The following KCNT2 variants were observed in gnomAD, a reference collection of about 807,000 sequenced individuals.
The protein encoded by KCNT2 is potassium channel subfamily T member 2.
KCNT2 carries 67 observed loss-of-function variants against 153.8 expected under a neutral mutation model. That is an observed-to-expected ratio of 0.44 (90% CI 0.36 to 0.53). KCNT2 has a LOEUF of 0.53. Ranked by LOEUF, KCNT2 falls within the 20% of genes least tolerant of loss-of-function variation. The probability of loss-of-function intolerance (pLI) is 0.00; values close to 1 mark genes in which losing one functional copy is unlikely to be tolerated. For missense variants in KCNT2, 975 were observed against 1,354.8 expected, an observed-to-expected ratio of 0.72 and a Z score of 4.40; for synonymous variants, 500 against 458.8, an observed-to-expected ratio of 1.09 and a Z score of -1.15.
chr1:196,336,294 G>T (rs1665026120), intron 16 of KCNT2, among the ~76,000 whole-genome samples: 1 of 151,804 alleles, frequency 6.6e-6, no homozygotes, highest in Admixed American at 6.6e-5. Flanking sequence ...ATTATTACTT[G>T]CTGCACATCA....
chr1:196,570,084 A>AAAAAAAAAAAAAAAAAAAAAT (rs1558089921), intron 1 of KCNT2, among the ~76,000 whole-genome samples: 1 of 13,064 alleles, frequency 7.7e-5, no homozygotes, highest in African/African-American at 8.0e-5. Context: ...AAAAAAAAAA[A>AAAAAAAAAAAAAAAAAAAAAT]AAAAAAAAAA....
intron 13 of KCNT2, among the ~76,000 whole-genome samples, chr1:196,397,313 A>T (rs908621664): frequency 6.6e-6 from 1 of 151,576 alleles, no homozygotes; most frequent in African/African-American, 2.4e-5. Context: ...AAGATAGCCT[A>T]GTTACAAAGG....
Position 196,402,498 on chromosome 1 carries a change from C to G in KCNT2, c.1186-3827G>C, listed in dbSNP as rs146371786. ...AAGCAGTAAGAATGTGTATTGTAAT[C>G]CCTACAGCACTCACAAAAAAAATTC... is the stretch of plus-strand genomic sequence containing the variant. On this transcript the variant is annotated intron_variant, in intron 12 of 27. Coordinates refer to ENST00000294725, the MANE Select transcript of KCNT2 (RefSeq NM_198503.5). Among the ~76,000 whole-genome samples the G allele has an allele frequency of 5.4e-4, 81 of 151,240 alleles. 2 individuals are homozygous for G. The East Asian group carries it at 0.015, about 28-fold the overall frequency.
chr1:196,541,457 G>A (rs546633976), intron 1 of KCNT2, among the ~76,000 whole-genome samples: 1 of 151,664 alleles, frequency 6.6e-6, no homozygotes, highest in East Asian at 1.9e-4. Flanking sequence ...AATGTTTTAT[G>A]GCATGTTAAA....
At chr1:196,509,049 A>T (rs1163239895) in intron 1 of KCNT2, among the ~76,000 whole-genome samples, 1 of 152,134 alleles carries the variant, frequency 6.6e-6, no homozygotes, top group African/African-American at 2.4e-5. Context: ...CGGGCAGATC[A>T]CCTGAGGTCA....
intron 22 of KCNT2, among the ~76,000 whole-genome samples, chr1:196,293,044 C>T (rs1660346309): frequency 6.6e-6 from 1 of 151,436 alleles, no homozygotes; most frequent in African/African-American, 2.4e-5. Flanking sequence ...AAAAAAAATA[C>T]TTAAGAATAA....
chr1:196,492,383 C>T (rs4607811), intron 1 of KCNT2, 42 bp from the exon 2 acceptor site: 1,202,494 of 1,206,724 alleles, frequency 1, 599,260 homozygotes, highest in East Asian at 1. Context: ...ATGCAAGCAA[C>T]CATATCTTTA....
chr1:196,546,318 A>G (rs1160050057), intron 1 of KCNT2, among the ~76,000 whole-genome samples: 1 of 152,102 alleles, frequency 6.6e-6, no homozygotes, highest in African/African-American at 2.4e-5. Context: ...TGTCACGCAT[A>G]CATTTGGTGT....
At chr1:196,476,706 C>T (rs548907958) in intron 5 of KCNT2, among the ~76,000 whole-genome samples, 1 of 152,140 alleles carries the variant, frequency 6.6e-6, no homozygotes, top group Non-Finnish European at 1.5e-5. Context: ...TTCCAGCTTA[C>T]TTACTTCTTA....
intron 22 of KCNT2, among the ~76,000 whole-genome samples, chr1:196,288,561 A>G (rs1451356297): frequency 6.6e-6 from 1 of 152,124 alleles, no homozygotes; most frequent in Non-Finnish European, 1.5e-5. Flanking sequence ...GATAAACTAT[A>G]GTGTTAATGC....
intron 22 of KCNT2, among the ~76,000 whole-genome samples, chr1:196,301,125 A>G (rs1318715981): frequency 6.6e-6 from 1 of 152,208 alleles, no homozygotes; most frequent in Non-Finnish European, 1.5e-5. Flanking sequence ...ACACCTGAAC[A>G]GACTTTTGTC....
intron 8 of KCNT2, among the ~76,000 whole-genome samples, chr1:196,451,698 C>A (rs1330999554): frequency 6.6e-6 from 1 of 151,762 alleles, no homozygotes; most frequent in Non-Finnish European, 1.5e-5. Context: ...AAGACACTCT[C>A]TTTTCTTCAA....
chr1:196,297,212 C>CTGTAT (rs1660753806), intron 22 of KCNT2, among the ~76,000 whole-genome samples: 2 of 151,844 alleles, frequency 1.3e-5, no homozygotes, highest in East Asian at 3.9e-4. Context: ...TAGTTAACTA[C>CTGTAT]TGTATTATAA....
At chr1:196,462,796 GA>G (rs1677266026) in intron 8 of KCNT2, among the ~76,000 whole-genome samples, 1 of 151,644 alleles carries the variant, frequency 6.6e-6, no homozygotes, top group Non-Finnish European at 1.5e-5. Flanking sequence ...TGTACATGTG[GA>G]CTTTTATCAC....
intron 5 of KCNT2, among the ~76,000 whole-genome samples, chr1:196,471,099 G>A (rs1468436134): frequency 6.6e-6 from 1 of 151,386 alleles, no homozygotes; most frequent in Non-Finnish European, 1.5e-5. Context: ...ACTAAAGACG[G>A]GGTTTCACCG....
At chr1:196,322,466 CA>C (rs1451318954) in intron 19 of KCNT2, among the ~76,000 whole-genome samples, 1 of 151,584 alleles carries the variant, frequency 6.6e-6, no homozygotes, top group East Asian at 1.9e-4. Context: ...TCAACAAACA[CA>C]AAAAGTAACT....
chr1:196,253,181 G>C (rs1465697639), intron 26 of KCNT2, among the ~76,000 whole-genome samples: 1 of 151,226 alleles, frequency 6.6e-6, no homozygotes, highest in African/African-American at 2.4e-5. Context: ...CCAGTTACAT[G>C]CATGTTACAT....
chr1:196,587,880 A>G (rs935477911), intron 1 of KCNT2, among the ~76,000 whole-genome samples: 10 of 152,182 alleles, frequency 6.6e-5, no homozygotes, highest in Admixed American at 5.2e-4. Flanking sequence ...TCCTGCTTAT[A>G]TACTGACATG....
chr1:196,325,490 G>A (rs912799362), intron 19 of KCNT2, among the ~76,000 whole-genome samples: 1 of 152,110 alleles, frequency 6.6e-6, no homozygotes, highest in Non-Finnish European at 1.5e-5. Flanking sequence ...CCAATTTCTT[G>A]GAGCTTCCTA....
Sources: allele counts gnomAD v4.1 joint callset (sites outside exome capture counted in the v4.1 genomes callset), GRCh38; gene constraint gnomAD v4.1.1; transcripts MANE v1.5; gene names NCBI Gene and HGNC (gene_info 2026-07-23, HGNC 2026-07-21).